NRXN1: variants seen among roughly 807,000 people sequenced by gnomAD.
NRXN1 encodes the protein neurexin-1.
NRXN1 carries 39 observed loss-of-function variants against 150.9 expected under a neutral mutation model. The observed-to-expected ratio is 0.26, with a 90% CI of 0.20 to 0.34. The LOEUF (loss-of-function observed/expected upper bound fraction) is 0.34. Among genes scored for constraint, NRXN1 ranks in the 10% least tolerant of loss-of-function variants. The probability of loss-of-function intolerance (pLI) is 1.00; values close to 1 mark genes in which losing one functional copy is unlikely to be tolerated. For missense variants in NRXN1, 1,815 were observed against 1,949.9 expected (o/e 0.93, Z 1.30); for synonymous variants, 924 against 757.0 (o/e 1.22, Z -3.62).
chr2:50,188,900 C>T (rs761508956), intron 18 of NRXN1, among the ~76,000 whole-genome samples: 13 of 152,068 alleles, frequency 8.5e-5, no homozygotes, highest in South Asian at 2.1e-4. Context: ...GAAATAGGAT[C>T]GCTCTTAAAC....
intron 5 of NRXN1, among the ~76,000 whole-genome samples, chr2:50,803,704 T>C (rs1284274979): frequency 6.6e-6 from 1 of 152,186 alleles, no homozygotes; most frequent in African/African-American, 2.4e-5. Flanking sequence ...TTGCTGAATA[T>C]TGCTCCTCAT....
At chr2:50,793,895 TGA>T (rs1261787004) in intron 5 of NRXN1, among the ~76,000 whole-genome samples, 3 of 152,080 alleles carry the variant, frequency 2.0e-5, no homozygotes, top group Non-Finnish European at 4.4e-5. Flanking sequence ...TATATTTCAA[TGA>T]GAGACAGCAA....
intron 5 of NRXN1, among the ~76,000 whole-genome samples, chr2:50,893,976 CCA>C (rs1457877698): frequency 6.6e-6 from 1 of 151,930 alleles, no homozygotes; most frequent in Non-Finnish European, 1.5e-5. Context: ...TGTATATGTG[CCA>C]CATTTTCTTA....
chr2:50,001,724 T>C (rs534592863), intron 21 of NRXN1, among the ~76,000 whole-genome samples: 5 of 152,234 alleles, frequency 3.3e-5, no homozygotes, highest in African/African-American at 9.6e-5. Context: ...TATTTACATA[T>C]ATATGTTTTA....
chr2:50,272,444 C>T (rs1043176392), intron 17 of NRXN1, among the ~76,000 whole-genome samples: 3 of 152,104 alleles, frequency 2.0e-5, no homozygotes, highest in Non-Finnish European at 4.4e-5. Context: ...TCCCATTGAA[C>T]AACTGGAGGT....
rs931449841 is a variant in NRXN1 at position 50,980,735 on chromosome 2, A to G, written c.772+46767T>C. Among the ~76,000 whole-genome samples the G allele has an allele frequency of 2.0e-5, 3 of 152,140 alleles. 1 individual carries two copies. The highest frequency in any genetic ancestry group is 4.8e-5 in the African/African-American group (2 of 41,442). ...AATGCCACAACGCTATTGAAAACCA[A>G]AGTTGCCATATGATAAAGTGATATT... On this transcript the variant is annotated intron_variant, in intron 2 of 22. Transcript: ENST00000401669.
At chr2:50,874,391 A>G (rs369046129) in intron 5 of NRXN1, among the ~76,000 whole-genome samples, 1 of 151,724 alleles carries the variant, frequency 6.6e-6, no homozygotes, top group East Asian at 2.0e-4. Context: ...TAAAATGGGC[A>G]TTTTTCCATC....
At chr2:50,464,270 G>A (rs1365069714) in intron 17 of NRXN1, among the ~76,000 whole-genome samples, 1 of 151,686 alleles carries the variant, frequency 6.6e-6, no homozygotes, top group African/African-American at 2.4e-5. Context: ...ATCTACAGTG[G>A]CATGGTTGTT....
chr2:50,965,308 A>G (rs915769173), intron 2 of NRXN1, among the ~76,000 whole-genome samples: 1 of 151,418 alleles, frequency 6.6e-6, no homozygotes, highest in Non-Finnish European at 1.5e-5. Context: ...ACAATGCTCT[A>G]TGAATGGGGA....
At chr2:50,790,756 T>C (rs1705825452) in intron 5 of NRXN1, among the ~76,000 whole-genome samples, 1 of 152,152 alleles carries the variant, frequency 6.6e-6, no homozygotes, top group Admixed American at 6.6e-5. Flanking sequence ...ACATGGGAAA[T>C]CTGGGCATGA....
intron 21 of NRXN1, among the ~76,000 whole-genome samples, chr2:49,985,869 A>C (rs1227008649): frequency 6.6e-6 from 1 of 152,252 alleles, no homozygotes; most frequent in East Asian, 1.9e-4. Context: ...CATTATTAGT[A>C]ATACTGACAA....
intron 2 of NRXN1, among the ~76,000 whole-genome samples, chr2:50,995,996 T>C (rs371571172): frequency 6.6e-6 from 1 of 152,064 alleles, no homozygotes; most frequent in East Asian, 1.9e-4. Context: ...AAAGTCCAAA[T>C]GTTGGTCAAT....
intron 16 of NRXN1, among the ~76,000 whole-genome samples, chr2:50,469,666 T>C (rs1482291050): frequency 1.3e-5 from 2 of 151,204 alleles, no homozygotes; most frequent in Admixed American, 6.6e-5. Context: ...CTAGAAACTA[T>C]ACAGGTCAGA....
At chr2:50,771,340 AT>A (rs1702991295) in intron 5 of NRXN1, among the ~76,000 whole-genome samples, 2 of 152,112 alleles carry the variant, frequency 1.3e-5, no homozygotes, top group Non-Finnish European at 2.9e-5. Context: ...ATAAAAAAAA[AT>A]AAATTATTCA....
At chr2:50,960,310 C>G (rs1692951974) in intron 2 of NRXN1, among the ~76,000 whole-genome samples, 2 of 150,438 alleles carry the variant, frequency 1.3e-5, no homozygotes, top group African/African-American at 4.9e-5. Context: ...TCTCCTCATC[C>G]CTCCCTCCCT....
chr2:50,192,699 C>T (rs985410633), intron 18 of NRXN1, among the ~76,000 whole-genome samples: 1 of 152,126 alleles, frequency 6.6e-6, no homozygotes, highest in Non-Finnish European at 1.5e-5. Context: ...CTCCTCCTCC[C>T]AGGTTCAAAT....
chr2:50,532,748 A>G (rs2093151470), intron 10 of NRXN1, among the ~76,000 whole-genome samples: 2 of 152,062 alleles, frequency 1.3e-5, no homozygotes, highest in African/African-American at 4.8e-5. Flanking sequence ...TGTCTTAAAC[A>G]CACAAAGAAA....
At chr2:50,000,867 T>C (rs1683808570) in intron 21 of NRXN1, among the ~76,000 whole-genome samples, 1 of 152,168 alleles carries the variant, frequency 6.6e-6, no homozygotes, top group South Asian at 2.1e-4. Flanking sequence ...TGAGATGCGG[T>C]GCAGACAGCT....
At chr2:50,097,303 C>G (rs187586153) in intron 18 of NRXN1, among the ~76,000 whole-genome samples, 198 of 152,270 alleles carry the variant, frequency 1.3e-3, no homozygotes, top group African/African-American at 4.6e-3. Flanking sequence ...TTCTGTCATG[C>G]ACCATAGTAC....
Sources: gnomAD v4.1 joint callset for allele counts (sites outside exome capture counted in the v4.1 genomes callset) on GRCh38, gnomAD v4.1.1 for gene constraint, MANE v1.5 for transcripts, NCBI Gene and HGNC (gene_info 2026-07-23, HGNC 2026-07-21) for gene names.